The following PHC1 variants were observed in gnomAD, a reference collection of about 807,000 sequenced individuals.
PHC1 encodes polyhomeotic-like protein 1.
PHC1 carries 12 observed loss-of-function variants against 104.3 expected under a neutral mutation model. The observed-to-expected ratio is 0.12, with a 90% CI of 0.07 to 0.19. PHC1 has a LOEUF of 0.19. Among genes scored for constraint, PHC1 ranks in the 10% least tolerant of loss-of-function variants. PHC1 has a pLI of 1.00. For missense variants in PHC1, 671 were observed against 1,200.0 expected (o/e 0.56, Z 6.51); for synonymous variants, 302 against 455.8 (o/e 0.66, Z 4.30).
intron 4 of PHC1, 113 bp from the exon 5 acceptor site, chr12:8,921,488 C>T (rs779887350): frequency 3.2e-6 from 3 of 927,448 alleles, no homozygotes; most frequent in African/African-American, 1.7e-5. Flanking sequence ...CCCCCGGCTC[C>T]ATGAAAGTGA....
At chr12:8,917,514 T>C (rs1186232764) in intron 1 of PHC1, 116 bp from the exon 2 acceptor site, 7 of 464,212 alleles carry the variant, frequency 1.5e-5, no homozygotes. Flanking sequence ...TCATGGCTTA[T>C]GGAAGAGGAG....
chr12:8,919,725 A>G lies in PHC1; in HGVS notation c.115-31A>G, dbSNP rs1242531261. 1.9e-6 allele frequency: 3 copies of G among 1,596,026 alleles called. No homozygotes were observed. Among genetic ancestry groups the G allele is most frequent in the East Asian group, 4.5e-5 (2 of 44,810 alleles). On this transcript the variant is annotated intron_variant, in intron 2 of 14. Coordinates refer to ENST00000544916, the MANE Select transcript of PHC1 (RefSeq NM_004426.3). This position sits in a 1 kb window ranked among gnomAD's most constrained non-coding sequence, Gnocchi z 4.9. ...ATAGAATAGGAGCTAGGAGTGGTCC[A>G]TTCTAAATGTTTTATCCTCTCTTTT... is the stretch of plus-strand genomic sequence containing the variant.
intron 6 of PHC1, among the ~76,000 whole-genome samples, chr12:8,924,393 T>C (rs1945456745): frequency 6.6e-6 from 1 of 152,068 alleles, no homozygotes; most frequent in African/African-American, 2.4e-5. Flanking sequence ...GAAGAATTGC[T>C]TGAATCTGGG....
intron 10 of PHC1, 46 bp from the exon 11 acceptor site, chr12:8,935,078 C>A: frequency 1.1e-6 from 1 of 951,524 alleles, no homozygotes; most frequent in Non-Finnish European, 1.6e-6. Context: ...TATAGAGAAG[C>A]AGAAGGGGAT....
chr12:8,915,352 CTTGA>C (rs898590517), intron 1 of PHC1: 10 of 152,234 alleles, frequency 6.6e-5, no homozygotes, highest in African/African-American at 2.4e-4. Flanking sequence ...TCCCTGTTCT[CTTGA>C]TTATTACCGT....
chr12:8,935,264 T>C (rs1452748406), intron 11 of PHC1, 26 bp downstream of exon 11: 1 of 1,248,358 alleles, frequency 8.0e-7, no homozygotes, highest in Non-Finnish European at 1.2e-6. Flanking sequence ...GAGACTCATT[T>C]GGGGGAAGGA....
intron 6 of PHC1, among the ~76,000 whole-genome samples, chr12:8,925,557 A>G (rs1418101169): frequency 6.6e-6 from 1 of 152,194 alleles, no homozygotes; most frequent in East Asian, 1.9e-4. Flanking sequence ...CCAGATAAGA[A>G]TGTGGAAGGA....
At chr12:8,935,701 G>A (rs868507291) in intron 11 of PHC1, among the ~76,000 whole-genome samples, 2 of 152,184 alleles carry the variant, frequency 1.3e-5, no homozygotes, top group East Asian at 1.9e-4. Context: ...GTAGAATCAC[G>A]GAAAAGGAAT....
chr12:8,938,031 A>T lies in PHC1; in HGVS notation c.2831A>T (p.Glu944Val). ...SSNPSRWSVEEVYEFIASLQG... is the reference protein window; with the variant it reads ...SSNPSRWSVEVVYEFIASLQG... Reference sequence around the variant, plus strand: ...AATCCCAGCCGTTGGAGTGTAGAGGAGGTGTACGAGTTTATTGCTTCTCTC... The same window carrying T: ...AATCCCAGCCGTTGGAGTGTAGAGGTGGTGTACGAGTTTATTGCTTCTCTC... The change falls in exon 14 of 15, where the codon GAG (glutamate) becomes GTG (valine). Residue 944 changes from glutamate (E) to valine (V), a missense_variant. Physicochemically the swap from Glu to Val is moderately radical, Grantham distance 121. This residue lies in a region of PHC1 where 192 missense variants were observed against 280.5 expected (regional missense o/e 0.68). Transcript: ENST00000544916. 3 of 1,605,374 alleles carry T rather than the reference A, an allele frequency of 1.9e-6. No homozygotes were observed. Among genetic ancestry groups the T allele is most frequent in the Non-Finnish European group, 1.7e-6 (2 of 1,174,290 alleles).
intron 1 of PHC1, among the ~76,000 whole-genome samples, chr12:8,916,988 C>T (rs890996008): frequency 3.9e-5 from 6 of 152,198 alleles, no homozygotes; most frequent in African/African-American, 1.2e-4. Context: ...GATAACTACT[C>T]ACTATCATAG....
In PHC1 at chr12:8,934,522, G is replaced by A. The variant is rs762834382; in HGVS notation, c.2253+44G>A. ...GGTGGGACTTTGAAGTGGGGACTTG[G>A]TCTGATTGTTGTCTTTTCAAACTCC... On this transcript the variant is annotated intron_variant, in intron 10 of 14. Transcript: ENST00000544916. 1.2e-5 allele frequency: 17 copies of A among 1,440,132 alleles called. 1 individual carries two copies. In the South Asian group the frequency reaches 2.0e-4, roughly 17 times the overall value. 89.2% of individuals were successfully genotyped at this position (1,440,132 alleles called of 1,614,324 possible).
Position 8,918,668 on chromosome 12 carries a change from G to GT in PHC1, c.114+880dup, listed in dbSNP as rs1001699586. Among the ~76,000 whole-genome samples, 50 of 152,010 alleles carry GT rather than the reference G, an allele frequency of 3.3e-4. 1 individual carries two copies. Among genetic ancestry groups the GT allele is most frequent in the African/African-American group, 1.2e-3 (48 of 41,448 alleles). Reference sequence around the variant, plus strand: ...TTTTCTTTACATTAATCGGCATTTTGTTTATTTTCACCCGATCTAGTCTTT... The same window carrying GT: ...TTTTCTTTACATTAATCGGCATTTTGTTTTATTTTCACCCGATCTAGTCTTT... On this transcript the variant is annotated intron_variant, in intron 2 of 14. Coordinates refer to ENST00000544916, the MANE Select transcript of PHC1 (RefSeq NM_004426.3).
chr12:8,927,246 C>T (rs961909630), intron 6 of PHC1, among the ~76,000 whole-genome samples: 2 of 152,046 alleles, frequency 1.3e-5, no homozygotes, highest in Middle Eastern at 3.4e-3. Flanking sequence ...GGTGGTGAAT[C>T]CAAAGTAGTA....
At chr12:8,925,120 A>T (rs928720466) in intron 6 of PHC1, among the ~76,000 whole-genome samples, 4 of 152,212 alleles carry the variant, frequency 2.6e-5, no homozygotes, top group Admixed American at 2.6e-4. Context: ...GATGGGTCAG[A>T]TTCCAGCTCC....
At position 8,919,806 on chromosome 12, in the gene PHC1, G is replaced by C. The variant is rs1468908329; in HGVS notation, c.165G>C (p.Gln55His). Residue 55 changes from glutamine to histidine, a missense_variant, in exon 3 of 15, where the codon CAG becomes CAC. Transcript: ENST00000544916. This position sits in a 1 kb window ranked among gnomAD's most constrained non-coding sequence, Gnocchi z 4.9. Reference protein sequence around the residue: ...RQPNAAQYFHQFMLQQQLSNA... With the variant: ...RQPNAAQYFHHFMLQQQLSNA... Reference sequence around the variant, plus strand: ...CCAATGCAGCTCAGTATTTCCACCAGTTCATGCTCCAGCAGCAGCTCAGTA... The same window carrying C: ...CCAATGCAGCTCAGTATTTCCACCACTTCATGCTCCAGCAGCAGCTCAGTA... 10 of 1,612,430 alleles carry C rather than the reference G, an allele frequency of 6.2e-6. No homozygotes were observed. Among genetic ancestry groups the C allele is most frequent in the Non-Finnish European group, 7.6e-6 (9 of 1,179,546 alleles).
Position 8,922,720 on chromosome 12 carries a change from G to T in PHC1, c.544G>T (p.Ala182Ser). 1 of 1,611,638 alleles carries T rather than the reference G, an allele frequency of 6.2e-7. No individual in the cohort carries two copies. Among genetic ancestry groups the T allele is most frequent in the Non-Finnish European group, 8.5e-7 (1 of 1,179,032 alleles). Residue 182 changes from alanine to serine, a missense_variant, in exon 6 of 15, where the codon GCG (alanine) becomes TCG (serine). Physicochemically the swap from Ala to Ser is moderately conservative, Grantham distance 99. Around this residue, in one of 9 missense-constraint regions of PHC1, gnomAD observed 237 missense variants for 331.1 expected, o/e 0.72. Coordinates refer to ENST00000544916, the MANE Select transcript of PHC1 (RefSeq NM_004426.3). Reference protein sequence around the residue: ...ASQLILMPNGAVAAVQQEVPS... With the variant: ...ASQLILMPNGSVAAVQQEVPS... ...CCAACTCATCCTGATGCCTAATGGGGCGGTGGCTGCAGTCCAGCAGGAGGT... is the reference window on the plus strand; with the variant it reads ...CCAACTCATCCTGATGCCTAATGGGTCGGTGGCTGCAGTCCAGCAGGAGGT...
At chr12:8,913,895 A>G (rs1300741730), upstream of PHC1, 5 of 151,800 alleles carry the variant, frequency 3.3e-5, no homozygotes, top group Non-Finnish European at 5.9e-5. Flanking sequence ...AATGAAGTCA[A>G]CTCCTAATGG....
intron 2 of PHC1, 29 bp downstream of exon 2, chr12:8,917,820 C>A: frequency 8.4e-7 from 1 of 1,192,958 alleles, no homozygotes; most frequent in South Asian, 1.4e-5. Context: ...GGGCCATGGT[C>A]TGTGAGTCTT....
At chr12:8,934,620 A>C (rs1481373221) in intron 10 of PHC1, 142 bp downstream of exon 10, 2 of 619,140 alleles carry the variant, frequency 3.2e-6, no homozygotes, top group Non-Finnish European at 5.5e-6. Flanking sequence ...ATTATAAAGA[A>C]GGAAAGGGAA....
Sources: gnomAD v4.1 joint callset for allele counts (sites outside exome capture counted in the v4.1 genomes callset) on GRCh38, gnomAD v4.1.1 for gene constraint, gnomAD v4.1.1 regional missense constraint, Gnocchi (gnomAD v3.1) non-coding constraint, MANE v1.5 for transcripts, NCBI Gene and HGNC (gene_info 2026-07-23, HGNC 2026-07-21) for gene names.